Variants in KCNIP1 observed in about 807,000 individuals in gnomAD.
KCNIP1 encodes the protein A-type potassium channel modulatory protein KCNIP1.
KCNIP1 carries 18 observed loss-of-function variants against 33.0 expected under a neutral mutation model. The ratio of observed to expected loss-of-function variants is 0.55; its 90% confidence interval spans 0.38 to 0.81. The LOEUF (loss-of-function observed/expected upper bound fraction) is 0.81, where lower values mean the gene tolerates loss of function less well. Ranked by LOEUF, KCNIP1 falls within the 30% of genes least tolerant of loss-of-function variation. The probability of loss-of-function intolerance (pLI) is 0.00; values close to 1 mark genes in which losing one functional copy is unlikely to be tolerated. For synonymous variants in KCNIP1, 93 were observed against 98.3 expected, an observed-to-expected ratio of 0.95 and a Z score of 0.32; for missense variants, 238 against 271.6, an observed-to-expected ratio of 0.88 and a Z score of 0.87.
chr5:170,563,745 A>T (rs1292895328), intron 1 of KCNIP1, among the ~76,000 whole-genome samples: 1 of 152,118 alleles, frequency 6.6e-6, no homozygotes, highest in Non-Finnish European at 1.5e-5. Context: ...GGTTCAAACG[A>T]TTCTCCTGCC....
chr5:170,480,596 C>T (rs901308029), intron 1 of KCNIP1, among the ~76,000 whole-genome samples: 5 of 151,702 alleles, frequency 3.3e-5, no homozygotes, highest in Admixed American at 6.6e-5. Context: ...CATGCCACCA[C>T]GCCTGGTTAA....
At chr5:170,384,950 G>C (rs1764405099) in intron 1 of KCNIP1, among the ~76,000 whole-genome samples, 1 of 152,250 alleles carries the variant, frequency 6.6e-6, no homozygotes, top group Non-Finnish European at 1.5e-5. Flanking sequence ...TCAGAGGGGA[G>C]AGAATTATGC....
At chr5:170,525,053 A>G (rs1755518233) in intron 1 of KCNIP1, among the ~76,000 whole-genome samples, 1 of 152,182 alleles carries the variant, frequency 6.6e-6, no homozygotes, top group Non-Finnish European at 1.5e-5. Context: ...GGCCGGGGAA[A>G]CTTTGCCTAA....
intron 1 of KCNIP1, among the ~76,000 whole-genome samples, chr5:170,526,062 C>T (rs1755553577): frequency 6.6e-6 from 1 of 152,230 alleles, no homozygotes; most frequent in African/African-American, 2.4e-5. Context: ...AGCCTCACAT[C>T]GCTGGACCCC....
At chr5:170,720,412 A>G (rs931172603) in intron 3 of KCNIP1, 22 bp downstream of exon 3, 3 of 1,581,194 alleles carry the variant, frequency 1.9e-6, no homozygotes, top group East Asian at 4.5e-5. Context: ...CTTGAAATCT[A>G]TCTTGCCCAG....
At position 170,721,855 on chromosome 5, in the gene KCNIP1, C is replaced by T; in HGVS notation, c.279C>T (p.Tyr93=). 6.2e-7 allele frequency: 1 copy of T among 1,614,170 alleles called. No homozygotes were observed. The highest frequency in any genetic ancestry group is 1.1e-5 in the South Asian group (1 of 91,076). Residue 93 remains tyrosine, a synonymous_variant, in exon 4 of 8, where the codon TAC becomes TAT. Transcript: ENST00000328939. ...PHGDASTYAH[Y]LFNAFDTTQT... ...TAGATGCCAGCACGTATGCCCATTA[C>T]CTCTTCAATGCCTTCGACACCACTC... is the stretch of plus-strand genomic sequence containing the variant.
At chr5:170,550,517 T>C (rs1367772739) in intron 1 of KCNIP1, among the ~76,000 whole-genome samples, 7 of 151,622 alleles carry the variant, frequency 4.6e-5, no homozygotes, top group Non-Finnish European at 8.8e-5. Context: ...GTGATGATGA[T>C]GGCAATGATG....
intron 1 of KCNIP1, among the ~76,000 whole-genome samples, chr5:170,606,741 G>A (rs1267459478): frequency 6.6e-6 from 1 of 152,218 alleles, no homozygotes; most frequent in African/African-American, 2.4e-5. Context: ...ACCAGTCTAT[G>A]TCCACACGGC....
chr5:170,374,263 CT>C (rs1406302917), intron 1 of KCNIP1, among the ~76,000 whole-genome samples: 1 of 152,138 alleles, frequency 6.6e-6, no homozygotes, highest in East Asian at 1.9e-4. Context: ...TGAGTCTTCA[CT>C]GTGAAGAAGG....
chr5:170,433,141 T>C (rs1561623388), intron 1 of KCNIP1, among the ~76,000 whole-genome samples: 1 of 152,202 alleles, frequency 6.6e-6, no homozygotes, highest in African/African-American at 2.4e-5. Flanking sequence ...CCAGTCTAAT[T>C]AAATCAGTAG....
intron 1 of KCNIP1, among the ~76,000 whole-genome samples, chr5:170,695,500 C>T (rs973954488): frequency 6.6e-6 from 1 of 152,172 alleles, no homozygotes; most frequent in Non-Finnish European, 1.5e-5. Flanking sequence ...GGTTAATTTC[C>T]GTTGATTTTG....
intron 1 of KCNIP1, among the ~76,000 whole-genome samples, chr5:170,425,469 C>A (rs1018065038): frequency 2.0e-5 from 3 of 152,150 alleles, no homozygotes; most frequent in African/African-American, 7.2e-5. Context: ...AGGCAGAGAG[C>A]TGCTGGAGAA....
At chr5:170,547,743 T>C (rs995821278) in intron 1 of KCNIP1, among the ~76,000 whole-genome samples, 5 of 152,232 alleles carry the variant, frequency 3.3e-5, no homozygotes, top group Non-Finnish European at 2.9e-5. Flanking sequence ...GGTGTATATA[T>C]ACCTCATTTT....
In KCNIP1 at chr5:170,665,716, A is replaced by G. The variant is rs1253023929; in HGVS notation, c.62-53042A>G. On this transcript the variant is annotated intron_variant, in intron 1 of 7. Transcript: ENST00000328939. ...GGATCCCACATTCCATTTCGTAGGC[A>G]TGTCTCCTTAGACTCTTCTTGGCTG... 4.7e-5 allele frequency among the ~76,000 whole-genome samples: 7 copies of G among 149,032 alleles called. No individual in the cohort carries two copies. The South Asian group carries it at 1.3e-3, about 27-fold the overall frequency.
At chr5:170,655,262 A>G (rs1269637229) in intron 1 of KCNIP1, among the ~76,000 whole-genome samples, 1 of 152,164 alleles carries the variant, frequency 6.6e-6, no homozygotes, top group African/African-American at 2.4e-5. Flanking sequence ...GAGTGCATTA[A>G]TATTCGGGGC....
At position 170,515,440 on chromosome 5, in the gene KCNIP1, TGAA is replaced by T. The variant is rs531469353; in HGVS notation, c.61+10815_61+10817del. On this transcript the variant is annotated intron_variant, in intron 1 of 7. Transcript: ENST00000328939. ...AGTCTGGTTCCCATCTGCCTTCCCC[TGAA>T]GAAGAAGCTGCTGGAAAATTAGAGT... Among the ~76,000 whole-genome samples the T allele has an allele frequency of 2.2e-3, 342 of 152,330 alleles. 1 individual carries two copies. Among genetic ancestry groups the T allele is most frequent in the African/African-American group, 7.8e-3 (323 of 41,576 alleles).
chr5:170,679,081 G>A (rs1174759606), intron 1 of KCNIP1: 2 of 152,210 alleles, frequency 1.3e-5, no homozygotes, highest in African/African-American at 4.8e-5. Context: ...CTCTGGGCAG[G>A]TGAATTTCTC....
At chr5:170,682,423 A>G (rs1762381287) in intron 1 of KCNIP1, among the ~76,000 whole-genome samples, 1 of 152,166 alleles carries the variant, frequency 6.6e-6, no homozygotes, top group African/African-American at 2.4e-5. Context: ...ACTGTTCAGC[A>G]TGTTAGCCCT....
chr5:170,431,005 C>T (rs1239798060), intron 1 of KCNIP1, among the ~76,000 whole-genome samples: 2 of 152,198 alleles, frequency 1.3e-5, no homozygotes, highest in Non-Finnish European at 2.9e-5. Flanking sequence ...AGAGTGCCAT[C>T]CCTCCAGGCC....
Sources: gnomAD v4.1 joint callset for allele counts (sites outside exome capture counted in the v4.1 genomes callset) on GRCh38, gnomAD v4.1.1 for gene constraint, MANE v1.5 for transcripts, NCBI Gene and HGNC (gene_info 2026-07-23, HGNC 2026-07-21) for gene names.